The following ADGRG1 variants were observed in gnomAD, a reference collection of about 807,000 sequenced individuals.
ADGRG1 encodes the protein adhesion G protein-coupled receptor G1, also known as 7-transmembrane protein with no EGF-like N-terminal domains-1.
ADGRG1 carries 53 observed loss-of-function variants against 73.5 expected under a neutral mutation model. The ratio of observed to expected loss-of-function variants is 0.72; its 90% CI spans 0.58 to 0.91. The LOEUF is 0.91. ADGRG1 is among the 40% of genes least tolerant of loss of function. The probability of loss-of-function intolerance (pLI) is 0.00; values close to 1 mark genes in which losing one functional copy is unlikely to be tolerated. For synonymous variants in ADGRG1, 394 were observed against 374.4 expected (o/e 1.05, Z -0.60); for missense variants, 795 against 871.8 (o/e 0.91, Z 1.11).
Position 57,665,323 on chromosome 16 carries a change from C to A in ADGRG1, c.*1741C>A, listed in dbSNP as rs961002043. On this transcript the variant is annotated 3_prime_UTR_variant, in exon 14 of 14. Coordinates refer to ENST00000562631, the MANE Select transcript of ADGRG1 (RefSeq NM_201525.4). ...TGAGAGCGTGGCTGCTCATCAGCTC[C>A]AGCTGGTCACTACCTTGCAGGGATG... The A allele has an allele frequency of 6.6e-6, 1 of 152,220 alleles. No individual in the cohort carries two copies. Among genetic ancestry groups the A allele is most frequent in the African/African-American group, 2.4e-5 (1 of 41,436 alleles). 9.4% of individuals were successfully genotyped at this position (152,220 alleles called of 1,614,324 possible).
chr16:57,635,737 G>A (rs1597178133), intron 1 of ADGRG1: 9 of 985,238 alleles, frequency 9.1e-6, no homozygotes, highest in Non-Finnish European at 1.1e-5. Flanking sequence ...GACTCTCCAT[G>A]TCGTTGCCAG....
intron 1 of ADGRG1, chr16:57,647,887 T>C (rs1349773051): frequency 2.6e-6 from 1 of 383,744 alleles, no homozygotes; most frequent in Non-Finnish European, 3.6e-6. Context: ...GGGAGCTCTC[T>C]ACCTGTACTC....
intron 1 of ADGRG1, among the ~76,000 whole-genome samples, chr16:57,638,204 A>G (rs1417305799): frequency 2.0e-5 from 3 of 152,204 alleles, no homozygotes; most frequent in Non-Finnish European, 2.9e-5. Flanking sequence ...CAAGTGCCAG[A>G]TGGACAACTG....
chr16:57,650,819 C>T (rs1006924926), intron 2 of ADGRG1, among the ~76,000 whole-genome samples: 5 of 149,532 alleles, frequency 3.3e-5, no homozygotes, highest in Admixed American at 3.3e-4. Flanking sequence ...CGCCATTCTC[C>T]TGCCTCAGCC....
At chr16:57,652,211 C>A in intron 3 of ADGRG1, 1 of 943,710 alleles carries the variant, frequency 1.1e-6, no homozygotes, top group Non-Finnish European at 1.3e-6. Context: ...GCTGCATCTT[C>A]CCCCTTGAGT....
chr16:57,640,037 G>T, intron 1 of ADGRG1: 1 of 181,502 alleles, frequency 5.5e-6, no homozygotes, highest in East Asian at 1.9e-4. Flanking sequence ...GGGTCCCTGG[G>T]CTGCACCCCC....
intron 12 of ADGRG1, 24 bp downstream of exon 12, chr16:57,660,900 G>T (rs764532046): frequency 1.5e-6 from 2 of 1,357,176 alleles, no homozygotes; most frequent in East Asian, 2.3e-5. Context: ...TGCAATGGGG[G>T]CAAGAAGGTG....
chr16:57,628,242 T>TG (rs1597010073), upstream of ADGRG1: 4 of 913,612 alleles, frequency 4.4e-6, no homozygotes, highest in African/African-American at 7.2e-5. Flanking sequence ...CGCCCTGACC[T>TG]GGGGGGTGGG....
Position 57,660,848 on chromosome 16 carries a change from A to G in ADGRG1, c.1636A>G (p.Thr546Ala). ...YGPIILAVHR[T>A]PEGVIYPSMC... ...CCCCATCATCTTGGCTGTGCATAGG[A>G]CTCCAGAGGGCGTCATCTACCCTTC... The change falls in exon 12 of 14, where the codon ACT becomes GCT. Residue 546 changes from threonine to alanine, a missense_variant. Thr to Ala is a moderately conservative substitution (Grantham distance 58, BLOSUM62 0). Coordinates refer to ENST00000562631, the MANE Select transcript of ADGRG1 (RefSeq NM_201525.4). The G allele has an allele frequency of 6.2e-7, 1 of 1,606,590 alleles. No homozygotes were observed. The highest frequency in any genetic ancestry group is 8.5e-7 in the Non-Finnish European group (1 of 1,173,390).
chr16:57,623,446 C>T (rs1388713498), upstream of ADGRG1, among the ~76,000 whole-genome samples: 1 of 152,224 alleles, frequency 6.6e-6, no homozygotes, highest in Non-Finnish European at 1.5e-5. Context: ...AATAAGGTAT[C>T]AGAAAATGTC....
intron 1 of ADGRG1, chr16:57,646,645 G>C: frequency 1.0e-6 from 1 of 985,260 alleles, no homozygotes; most frequent in African/African-American, 1.7e-5. Context: ...AAGCCGGGGA[G>C]TTGGGAAGGA....
rs189654925 is a variant in ADGRG1, at chr16:57,658,000, C to T, written c.1286+509C>T. Among the ~76,000 whole-genome samples the T allele has an allele frequency of 6.0e-3, 911 of 152,226 alleles. 4 individuals are homozygous for T. The highest frequency in any genetic ancestry group is 8.8e-3 in the Non-Finnish European group (597 of 68,016). On this transcript the variant is annotated intron_variant, in intron 10 of 13. Coordinates refer to ENST00000562631, the MANE Select transcript of ADGRG1 (RefSeq NM_201525.4). ...CAAGTGATCCACCCACCTCAGCCCCCCGAAGCGCTGGGATTACAGGCATGA... is the reference window on the plus strand; with the variant it reads ...CAAGTGATCCACCCACCTCAGCCCCTCGAAGCGCTGGGATTACAGGCATGA...
intron 1 of ADGRG1, 91 bp downstream of exon 1, chr16:57,628,893 AGTGTGT>A (rs1567667253): frequency 1.2e-6 from 1 of 813,584 alleles, no homozygotes; most frequent in Non-Finnish European, 1.4e-6. Context: ...TGAGAGTGTG[AGTGTGT>A]GAGTGTGAGT....
intron 1 of ADGRG1, chr16:57,634,433 TCA>T (rs772334551): frequency 2.9e-4 from 287 of 985,324 alleles, no homozygotes; most frequent in Non-Finnish European, 3.4e-4. Context: ...CAGGGGCGAC[TCA>T]CAGCCCAAAC....
intron 11 of ADGRG1, 89 bp downstream of exon 11, chr16:57,659,770 T>G: frequency 1.5e-6 from 2 of 1,371,336 alleles, no homozygotes; most frequent in South Asian, 2.4e-5. Context: ...TCTCCACCTA[T>G]CTCTCTGACT....
upstream of ADGRG1, chr16:57,626,574 C>T (rs191539319): frequency 1.6e-5 from 16 of 985,080 alleles, no homozygotes; most frequent in African/African-American, 7.0e-5. Context: ...CAGCCAACTC[C>T]GCCCAGCCAG....
In ADGRG1 at chr16:57,661,784, C is replaced by T; in HGVS notation, c.1752C>T (p.Ala584=). ...TTCTGTTCAACATGGCCATGCTAGCCACCATGGTGGTGCAGATCCTGCGGC... is the reference window on the plus strand; with the variant it reads ...TTCTGTTCAACATGGCCATGCTAGCTACCATGGTGGTGCAGATCCTGCGGC... ...LVFLFNMAML[A]TMVVQILRLR... is the part of the protein sequence containing the mutation. The change falls in exon 13 of 14, where the codon GCC becomes GCT. Residue 584 remains alanine (A), a synonymous_variant. Coordinates refer to ENST00000562631, the MANE Select transcript of ADGRG1 (RefSeq NM_201525.4). 6.2e-7 allele frequency: 1 copy of T among 1,614,260 alleles called. No homozygotes were observed. Among genetic ancestry groups the T allele is most frequent in the East Asian group, 2.2e-5 (1 of 44,892 alleles).
intron 13 of ADGRG1, chr16:57,662,906 G>A (rs1166615974): frequency 1.0e-6 from 1 of 985,020 alleles, no homozygotes; most frequent in Non-Finnish European, 1.2e-6. Flanking sequence ...CCCATACAGG[G>A]TCACCCTAGA....
chr16:57,638,941 G>A (rs1342213327), intron 1 of ADGRG1, among the ~76,000 whole-genome samples: 1 of 152,026 alleles, frequency 6.6e-6, no homozygotes, highest in Non-Finnish European at 1.5e-5. Context: ...ATGGTGGTGG[G>A]CACCTGTAGT....
Sources: allele counts gnomAD v4.1 joint callset (sites outside exome capture counted in the v4.1 genomes callset), GRCh38; gene constraint gnomAD v4.1.1; transcripts MANE v1.5; gene names NCBI Gene and HGNC (gene_info 2026-07-23, HGNC 2026-07-21).